Variants in DENND5B observed in about 807,000 individuals in gnomAD.
DENND5B encodes the protein DENN domain containing 5B.
A neutral mutation model predicts 140.6 loss-of-function variants in DENND5B; 34 were observed. The observed-to-expected ratio is 0.24, with a 90% CI of 0.18 to 0.32. The LOEUF is 0.32. DENND5B is among the 10% of genes least tolerant of loss of function. DENND5B has a pLI of 1.00. For synonymous variants in DENND5B, 551 were observed against 562.1 expected (o/e 0.98, Z 0.28); for missense variants, 1,142 against 1,560.2 (o/e 0.73, Z 4.52).
At chr12:31,530,030 C>T (rs1196684708) in intron 1 of DENND5B, among the ~76,000 whole-genome samples, 1 of 152,066 alleles carries the variant, frequency 6.6e-6, no homozygotes, top group Non-Finnish European at 1.5e-5. Flanking sequence ...GACATGTTAA[C>T]TAAATGAAAA....
Position 31,564,922 on chromosome 12 carries a change from T to C in DENND5B, c.127+25784A>G, listed in dbSNP as rs140875682. Among the ~76,000 whole-genome samples, 346 of 152,210 alleles carry C rather than the reference T, an allele frequency of 2.3e-3. 3 individuals carry two copies. The highest frequency in any genetic ancestry group is 7.9e-3 in the African/African-American group (328 of 41,530). ...CTGCAATTCTAAAGATAGCAGATTG[T>C]ATTATTTCCTTCAGCGGAGATGGCA... On this transcript the variant is annotated intron_variant, in intron 1 of 20. Transcript: ENST00000389082.
At chr12:31,433,124 G>T in intron 8 of DENND5B, 31 bp downstream of exon 8, 2 of 1,595,822 alleles carry the variant, frequency 1.3e-6, no homozygotes, top group East Asian at 2.2e-5. Context: ...GGCGCTTGCT[G>T]TGAGGCACCC....
At chr12:31,415,899 G>A (rs1027660879) in intron 11 of DENND5B, among the ~76,000 whole-genome samples, 2 of 151,484 alleles carry the variant, frequency 1.3e-5, no homozygotes, top group East Asian at 1.9e-4. Flanking sequence ...GCAATGGCAC[G>A]ATCTCAGCTC....
intron 8 of DENND5B, among the ~76,000 whole-genome samples, chr12:31,428,574 G>A (rs1943354935): frequency 6.7e-6 from 1 of 149,042 alleles, no homozygotes; most frequent in African/African-American, 2.5e-5. Flanking sequence ...GCTAATTTTT[G>A]TATTTTTTTT....
intron 1 of DENND5B, among the ~76,000 whole-genome samples, chr12:31,510,618 A>C (rs1391887449): frequency 2.6e-5 from 4 of 152,168 alleles, no homozygotes; most frequent in Non-Finnish European, 4.4e-5. Flanking sequence ...GTCCTTGTAT[A>C]TGGCACCCAA....
intron 1 of DENND5B, among the ~76,000 whole-genome samples, chr12:31,581,910 T>C (rs1950221422): frequency 6.6e-6 from 1 of 152,140 alleles, no homozygotes; most frequent in African/African-American, 2.4e-5. Context: ...ATACGCACAT[T>C]CTCCCGTACA....
chr12:31,577,698 G>T (rs1210854924), intron 1 of DENND5B, among the ~76,000 whole-genome samples: 1 of 104,680 alleles, frequency 9.6e-6, no homozygotes, highest in African/African-American at 3.9e-5. Context: ...GCGACAGAAC[G>T]AGACTCTGTC....
chr12:31,485,560 C>T (rs1028285344), intron 2 of DENND5B, among the ~76,000 whole-genome samples: 1 of 152,212 alleles, frequency 6.6e-6, no homozygotes, highest in African/African-American at 2.4e-5. Context: ...CCTTTAAACA[C>T]GTAAGTATGG....
At chr12:31,501,259 T>TC (rs1946990108) in intron 1 of DENND5B, among the ~76,000 whole-genome samples, 1 of 152,110 alleles carries the variant, frequency 6.6e-6, no homozygotes, top group African/African-American at 2.4e-5. Context: ...TAAGGGGCTT[T>TC]CCCCCACTTC....
chr12:31,494,449 A>C (rs1946683666), intron 2 of DENND5B, among the ~76,000 whole-genome samples: 2 of 152,116 alleles, frequency 1.3e-5, no homozygotes, highest in Non-Finnish European at 2.9e-5. Flanking sequence ...AGGGAACCTA[A>C]GGCCGATTCA....
At chr12:31,491,754 C>T (rs939868744) in intron 2 of DENND5B, among the ~76,000 whole-genome samples, 4 of 152,174 alleles carry the variant, frequency 2.6e-5, no homozygotes, top group Admixed American at 6.5e-5. Flanking sequence ...TTTCACCTGT[C>T]ACTTGTATTT....
chr12:31,401,779 G>C (rs1338486270), intron 15 of DENND5B, among the ~76,000 whole-genome samples: 1 of 151,992 alleles, frequency 6.6e-6, no homozygotes, highest in African/African-American at 2.4e-5. Flanking sequence ...ATGCCACCAT[G>C]CCCAGCTAAT....
intron 1 of DENND5B, among the ~76,000 whole-genome samples, chr12:31,523,704 A>C (rs965849753): frequency 6.6e-6 from 1 of 152,164 alleles, no homozygotes; most frequent in Non-Finnish European, 1.5e-5. Context: ...ATTTTGCCCC[A>C]ATTTTTAAAA....
In DENND5B at chr12:31,397,549, C is replaced by CAAAAAAAAAAAAAA. The variant is rs1223481557; in HGVS notation, c.3256+612_3256+625dup. Among the ~76,000 whole-genome samples the CAAAAAAAAAAAAAA allele has an allele frequency of 1.2e-4, 6 of 49,316 alleles. 1 individual carries two copies. Among genetic ancestry groups the CAAAAAAAAAAAAAA allele is most frequent in the Non-Finnish European group, 1.3e-4 (4 of 29,896 alleles). The allele number at this position is 49,316 out of a possible 152,430, so 32.4% of individuals were successfully genotyped here. A position where few individuals can be genotyped will look rare whatever the true frequency, so the allele number is the denominator to read the frequency against. On this transcript the variant is annotated intron_variant, in intron 17 of 20. Transcript: ENST00000389082. ...GGTGACAGAGTGAGATTCCATCTCACAAAAAAAAAAAAAAAAAAAAAAAAG... is the reference window on the plus strand; with the variant it reads ...GGTGACAGAGTGAGATTCCATCTCACAAAAAAAAAAAAAAAAAAAAAAAAAAAAAAAAAAAAAAG...
chr12:31,515,342 T>C (rs893898769), intron 1 of DENND5B, among the ~76,000 whole-genome samples: 1 of 152,220 alleles, frequency 6.6e-6, no homozygotes, highest in East Asian at 1.9e-4. Context: ...ATTGCGATTA[T>C]AATTATACTG....
intron 3 of DENND5B, among the ~76,000 whole-genome samples, chr12:31,462,382 T>C (rs1945058833): frequency 6.6e-6 from 1 of 151,968 alleles, no homozygotes; most frequent in Non-Finnish European, 1.5e-5. Context: ...AAAGCTGACC[T>C]GAAACCCCTG....
intron 15 of DENND5B, 85 bp downstream of exon 15, chr12:31,402,408 TGATTC>T: frequency 6.9e-7 from 1 of 1,458,142 alleles, no homozygotes; most frequent in Non-Finnish European, 9.2e-7. Context: ...CTATTTTATT[TGATTC>T]AAGGAAAAAT....
intron 1 of DENND5B, among the ~76,000 whole-genome samples, chr12:31,550,075 T>G (rs1948991892): frequency 6.6e-6 from 1 of 151,832 alleles, no homozygotes; most frequent in South Asian, 2.1e-4. Context: ...AATTTTATTA[T>G]TATTATACTT....
At position 31,447,574 on chromosome 12, in the gene DENND5B, A is replaced by T. The variant is rs1438569340; in HGVS notation, c.1825T>A (p.Ser609Thr). The change falls in exon 6 of 21, where the codon TCT (serine) becomes ACT (threonine). Residue 609 changes from serine (S) to threonine (T), a missense_variant. Physicochemically the swap from Ser to Thr is moderately conservative, Grantham distance 58. This residue lies in a region of DENND5B where 708 missense variants were observed against 905.5 expected (regional missense o/e 0.78). Transcript: ENST00000389082. Reference sequence around the variant, plus strand: ...AAAGTGCTGCATTTCTGATATATAGATGTCCGCAAGGTGGGTGCCCTTACA... The same window carrying T: ...AAAGTGCTGCATTTCTGATATATAGTTGTCCGCAAGGTGGGTGCCCTTACA... ...YNVRAPTLRT[S>T]IYQKCSTLKE... is the part of the protein sequence containing the mutation. 2.5e-6 allele frequency: 4 copies of T among 1,613,842 alleles called. No homozygotes were observed. The South Asian group carries it at 4.4e-5, about 18-fold the overall frequency.
Sources: allele counts gnomAD v4.1 joint callset (sites outside exome capture counted in the v4.1 genomes callset), GRCh38; gene constraint gnomAD v4.1.1; regional missense constraint gnomAD v4.1.1; transcripts MANE v1.5; gene names NCBI Gene and HGNC (gene_info 2026-07-23, HGNC 2026-07-21).